ORC5: variants seen among roughly 807,000 people sequenced by gnomAD.
The protein encoded by ORC5 is protein phosphatase 1, regulatory subunit 117.
In ORC5, 39 loss-of-function variants were observed where a neutral mutation model predicts 58.8. The observed-to-expected ratio is 0.66, with a 90% CI of 0.51 to 0.87. The LOEUF is 0.87. ORC5 is among the 40% of genes least tolerant of loss of function. ORC5 has a pLI of 0.00. For synonymous variants in ORC5, 218 were observed against 177.6 expected (o/e 1.23, Z -1.81); for missense variants, 493 against 506.3 (o/e 0.97, Z 0.25).
At chr7:104,197,820 A>T in intron 3 of ORC5, 21 bp from the exon 4 acceptor site, 1 of 1,444,226 alleles carries the variant, frequency 6.9e-7, no homozygotes. Context: ...CAAAAAAACA[A>T]AACAAAAAGA....
At chr7:104,159,415 C>G (rs1486806373) in intron 12 of ORC5, among the ~76,000 whole-genome samples, 2 of 145,278 alleles carry the variant, frequency 1.4e-5, no homozygotes, top group Non-Finnish European at 3.0e-5. Context: ...CAGCATGGCA[C>G]ATGTATACAT....
chr7:104,200,210 A>G (rs1007341416), intron 3 of ORC5, among the ~76,000 whole-genome samples: 1 of 152,204 alleles, frequency 6.6e-6, no homozygotes, highest in South Asian at 2.1e-4. Context: ...TTGTTGCTCT[A>G]AAGTCTTTAC....
chr7:104,151,732 G>C (rs1798850668), intron 12 of ORC5, among the ~76,000 whole-genome samples: 1 of 152,126 alleles, frequency 6.6e-6, no homozygotes, highest in African/African-American at 2.4e-5. Flanking sequence ...GAGAGCTAGA[G>C]AATAAGAACT....
At chr7:104,180,496 C>T (rs1799410994) in intron 8 of ORC5, among the ~76,000 whole-genome samples, 1 of 152,052 alleles carries the variant, frequency 6.6e-6, no homozygotes, top group African/African-American at 2.4e-5. Context: ...TCACAGTGAC[C>T]TGTGATCCTG....
chr7:104,165,007 G>A (rs565988451), intron 11 of ORC5, among the ~76,000 whole-genome samples: 10 of 152,110 alleles, frequency 6.6e-5, no homozygotes, highest in Non-Finnish European at 8.8e-5. Flanking sequence ...CATCTACTAA[G>A]TCACTAAAAA....
intron 12 of ORC5, among the ~76,000 whole-genome samples, chr7:104,146,302 T>C (rs759795531): frequency 9.2e-5 from 14 of 152,236 alleles, no homozygotes; most frequent in Admixed American, 2.0e-4. Context: ...TACCCTGCAA[T>C]TGCACTTATG....
At chr7:104,183,853 T>C (rs1389121899) in intron 8 of ORC5, 90 bp downstream of exon 8, 5 of 852,880 alleles carry the variant, frequency 5.9e-6, no homozygotes, top group Non-Finnish European at 7.4e-6. Context: ...CTTTTTCTTT[T>C]AGAGTCCCTC....
At position 104,188,195 on chromosome 7, in the gene ORC5, T is replaced by TACACACACACACAC. The variant is rs34643155; in HGVS notation, c.684+42_684+55dup. 9.4e-4 allele frequency: 961 copies of TACACACACACACAC among 1,017,210 alleles called. 7 individuals are homozygous for TACACACACACACAC. In the African/African-American group the frequency reaches 0.015, roughly 16 times the overall value. 63.0% of individuals were successfully genotyped at this position (1,017,210 alleles called of 1,614,324 possible). ...AAATACATATATACACATATATGTA[T>TACACACACACACAC]ACACACACACACACACACACACATA... is the stretch of plus-strand genomic sequence containing the variant. On this transcript the variant is annotated intron_variant, in intron 6 of 13. Coordinates refer to ENST00000297431, the MANE Select transcript of ORC5 (RefSeq NM_002553.4).
At chr7:104,145,942 C>T (rs1043231709) in intron 12 of ORC5, among the ~76,000 whole-genome samples, 1 of 152,108 alleles carries the variant, frequency 6.6e-6, no homozygotes, top group Non-Finnish European at 1.5e-5. Flanking sequence ...GCAAAACTAT[C>T]CTTCATGAAT....
intron 2 of ORC5, among the ~76,000 whole-genome samples, chr7:104,203,452 G>A (rs1400482970): frequency 6.6e-6 from 1 of 152,214 alleles, no homozygotes; most frequent in Non-Finnish European, 1.5e-5. Flanking sequence ...TTTAGGATAT[G>A]AAAGGGAGTA....
At chr7:104,159,728 C>G (rs949295666) in intron 12 of ORC5, among the ~76,000 whole-genome samples, 2 of 152,036 alleles carry the variant, frequency 1.3e-5, no homozygotes, top group African/African-American at 4.8e-5. Flanking sequence ...GGCTTTAAAT[C>G]TCAAAGGTTT....
intron 13 of ORC5, among the ~76,000 whole-genome samples, chr7:104,135,747 C>A (rs1798578093): frequency 6.6e-6 from 1 of 152,162 alleles, no homozygotes; most frequent in African/African-American, 2.4e-5. Context: ...TGATATCAAG[C>A]ACTGTTTTAG....
At chr7:104,181,430 C>G (rs868253581) in intron 8 of ORC5, among the ~76,000 whole-genome samples, 32 of 152,052 alleles carry the variant, frequency 2.1e-4, no homozygotes, top group Middle Eastern at 3.4e-3. Flanking sequence ...CTCTTTATAA[C>G]AGGATATAAT....
intron 13 of ORC5, among the ~76,000 whole-genome samples, chr7:104,128,357 A>T (rs1364377879): frequency 6.6e-6 from 1 of 152,162 alleles, no homozygotes; most frequent in African/African-American, 2.4e-5. Flanking sequence ...TCCTGACCTC[A>T]GGTGATCTGC....
intron 12 of ORC5, among the ~76,000 whole-genome samples, chr7:104,159,089 A>C (rs1322851627): frequency 2.0e-5 from 3 of 151,478 alleles, no homozygotes; most frequent in Non-Finnish European, 4.4e-5. Flanking sequence ...AATGTCCAAC[A>C]ATGATAGACT....
intron 12 of ORC5, among the ~76,000 whole-genome samples, chr7:104,157,044 T>C (rs999578351): frequency 3.9e-5 from 6 of 151,960 alleles, no homozygotes; most frequent in Admixed American, 3.9e-4. Context: ...ATTAAGTGTA[T>C]GTAGGTTAAA....
In ORC5 at chr7:104,200,842, TATTTC is replaced by T; in HGVS notation, c.277_281del (p.Glu93AsnfsTer3). The T allele has an allele frequency of 1.2e-6, 2 of 1,613,068 alleles. No individual in the cohort carries two copies. Among genetic ancestry groups the T allele is most frequent in the African/African-American group, 2.7e-5 (2 of 75,052 alleles). On this transcript the variant is annotated frameshift_variant, in exon 3 of 14. Transcript: ENST00000297431. LOFTEE classifies it high-confidence loss of function. ...CAAAGTCATTAAATGTTTCACAGGT[TATTTC>T]AGTAGAACATCCATCCTCTGAAGAA... is the stretch of plus-strand genomic sequence containing the variant.
intron 12 of ORC5, among the ~76,000 whole-genome samples, chr7:104,152,442 C>A (rs1232461827): frequency 6.6e-6 from 1 of 152,148 alleles, no homozygotes; most frequent in Non-Finnish European, 1.5e-5. Context: ...TCATGCCCAG[C>A]CAGAAGTATT....
chr7:104,162,602 G>A (rs1169690591), intron 11 of ORC5, among the ~76,000 whole-genome samples: 2 of 152,082 alleles, frequency 1.3e-5, no homozygotes, highest in African/African-American at 2.4e-5. Context: ...TTTTTACCTC[G>A]GCTAGAAATT....
Sources: allele counts gnomAD v4.1 joint callset (sites outside exome capture counted in the v4.1 genomes callset), GRCh38; gene constraint gnomAD v4.1.1; transcripts MANE v1.5; gene names NCBI Gene and HGNC (gene_info 2026-07-23, HGNC 2026-07-21).